The following STX18 variants were observed in gnomAD, a reference collection of about 807,000 sequenced individuals.
STX18 encodes syntaxin 18.
A neutral mutation model predicts 50.1 loss-of-function variants in STX18; 40 were observed. The observed-to-expected ratio is 0.80, with a 90% confidence interval of 0.62 to 1.04. The LOEUF (loss-of-function observed/expected upper bound fraction) is 1.04, where lower values mean the gene tolerates loss of function less well. Among genes scored for constraint, STX18 ranks in the 50% least tolerant of loss-of-function variants. STX18 has a pLI of 0.00. For missense variants in STX18, 410 were observed against 415.8 expected, an observed-to-expected ratio of 0.99 and a Z score of 0.12; for synonymous variants, 158 against 151.8, an observed-to-expected ratio of 1.04 and a Z score of -0.30.
rs754749923 is a variant in STX18 at position 4,541,782 on chromosome 4, T to A, written c.168+15A>T. 1 of 1,599,962 alleles carries A rather than the reference T, an allele frequency of 6.3e-7. No individual in the cohort carries two copies. The highest frequency in any genetic ancestry group is 1.3e-5 in the African/African-American group (1 of 74,384). Reference sequence around the variant, plus strand: ...CCCCCTCCTCAACCCGCCGTTTCCATAGCAACCAGCTCACCACTTCGCGGG... The same window carrying A: ...CCCCCTCCTCAACCCGCCGTTTCCAAAGCAACCAGCTCACCACTTCGCGGG... On this transcript the variant is annotated intron_variant, in intron 1 of 10. Coordinates refer to ENST00000306200, the MANE Select transcript of STX18 (RefSeq NM_016930.4).
intron 1 of STX18, among the ~76,000 whole-genome samples, chr4:4,490,652 G>T (rs1728901661): frequency 6.6e-6 from 1 of 152,018 alleles, no homozygotes; most frequent in Admixed American, 6.6e-5. Context: ...AATTGGAAAA[G>T]GGCACAGAGG....
chr4:4,495,711 G>A (rs565733453), intron 1 of STX18, among the ~76,000 whole-genome samples: 41 of 148,494 alleles, frequency 2.8e-4, no homozygotes, highest in African/African-American at 1.0e-3. Context: ...AGATAATCTT[G>A]TATTAGTCCA....
At chr4:4,517,877 C>T (rs1025740455) in intron 1 of STX18, among the ~76,000 whole-genome samples, 4 of 151,550 alleles carry the variant, frequency 2.6e-5, no homozygotes, top group Non-Finnish European at 4.4e-5. Flanking sequence ...TGGGTTCAAG[C>T]GATTCTCCTG....
At chr4:4,534,291 C>T (rs1051994992) in intron 1 of STX18, among the ~76,000 whole-genome samples, 1 of 152,178 alleles carries the variant, frequency 6.6e-6, no homozygotes, top group Non-Finnish European at 1.5e-5. Flanking sequence ...TGGATCTATT[C>T]TCTACTATTT....
chr4:4,486,872 C>G (rs1398142264), intron 1 of STX18, among the ~76,000 whole-genome samples: 1 of 152,064 alleles, frequency 6.6e-6, no homozygotes, highest in African/African-American at 2.4e-5. Flanking sequence ...TAAGAGGGGA[C>G]TATATTTTAA....
chr4:4,479,889 G>A (rs979820071), intron 1 of STX18, among the ~76,000 whole-genome samples: 2 of 152,082 alleles, frequency 1.3e-5, no homozygotes, highest in African/African-American at 4.8e-5. Flanking sequence ...AGGCAAACAG[G>A]TCTCCTGTGA....
intron 1 of STX18, among the ~76,000 whole-genome samples, chr4:4,499,201 CA>C (rs981839343): frequency 6.6e-6 from 1 of 152,144 alleles, no homozygotes; most frequent in Non-Finnish European, 1.5e-5. Context: ...AAATTTGAAA[CA>C]CAACTCTAAA....
At chr4:4,439,360 AC>A (rs1430144901) in intron 5 of STX18, among the ~76,000 whole-genome samples, 2 of 127,874 alleles carry the variant, frequency 1.6e-5, no homozygotes, top group South Asian at 3.1e-4. Context: ...ACATATATAT[AC>A]CCCCCACTCA....
At chr4:4,509,679 T>C (rs929750152) in intron 1 of STX18, among the ~76,000 whole-genome samples, 3 of 152,166 alleles carry the variant, frequency 2.0e-5, no homozygotes, top group Admixed American at 6.5e-5. Context: ...GGTGAAAGTG[T>C]TACGGGACAA....
At chr4:4,462,524 T>G (rs555593099) in intron 2 of STX18, among the ~76,000 whole-genome samples, 224 of 152,274 alleles carry the variant, frequency 1.5e-3, no homozygotes, top group African/African-American at 5.2e-3. Context: ...GTGCATGAGT[T>G]GGCAATGAAC....
chr4:4,542,034 G>C lies in STX18; in HGVS notation c.-70C>G. Reference sequence around the variant, plus strand: ...CAGCCGGCGACCGCGGCGCGAACCCGGCCGCTGAAGGACTGGTCCTGCCCC... The same window carrying C: ...CAGCCGGCGACCGCGGCGCGAACCCCGCCGCTGAAGGACTGGTCCTGCCCC... On this transcript the variant is annotated 5_prime_UTR_variant, in exon 1 of 11. Transcript: ENST00000306200. 6.8e-7 allele frequency: 1 copy of C among 1,463,978 alleles called. No individual in the cohort carries two copies. The highest frequency in any genetic ancestry group is 9.1e-7 in the Non-Finnish European group (1 of 1,102,748). 90.7% of individuals were successfully genotyped at this position (1,463,978 alleles called of 1,614,324 possible).
chr4:4,479,077 A>T (rs1728335709), intron 1 of STX18: 1 of 152,274 alleles, frequency 6.6e-6, no homozygotes, highest in African/African-American at 2.4e-5. Flanking sequence ...TCACTACAAA[A>T]GGGAATTGGG....
chr4:4,493,599 T>C (rs771849881), intron 1 of STX18, among the ~76,000 whole-genome samples: 7 of 152,242 alleles, frequency 4.6e-5, no homozygotes, highest in Non-Finnish European at 7.3e-5. Flanking sequence ...TCCACAGCAA[T>C]TGGTCCTCCA....
rs574044851 is a variant in STX18, at chr4:4,457,133, C to G, written c.497+58G>C. The G allele has an allele frequency of 4.1e-5, 61 of 1,479,342 alleles. No individual in the cohort carries two copies. The African/African-American group carries it at 7.0e-4, about 17-fold the overall frequency. The allele number at this position is 1,479,342 out of a possible 1,614,324, so 91.6% of individuals were successfully genotyped here. ...AGGGTAAGTGCTCTACAAACTTTAA[C>G]TGCTATTATTAGTAGTACTATTATT... On this transcript the variant is annotated intron_variant, in intron 5 of 10. Transcript: ENST00000306200.
At chr4:4,500,487 T>C (rs1012323064) in intron 1 of STX18, among the ~76,000 whole-genome samples, 6 of 152,174 alleles carry the variant, frequency 3.9e-5, no homozygotes, top group Admixed American at 6.5e-5. Flanking sequence ...CAGGAGGATG[T>C]CTGTAGGTTA....
At chr4:4,535,099 T>A (rs970917267) in intron 1 of STX18, among the ~76,000 whole-genome samples, 6 of 152,214 alleles carry the variant, frequency 3.9e-5, no homozygotes, top group African/African-American at 1.4e-4. Context: ...CTACGTCTGG[T>A]GGAATGGTTT....
intron 1 of STX18, among the ~76,000 whole-genome samples, chr4:4,529,907 A>G (rs1278972530): frequency 6.6e-6 from 1 of 152,144 alleles, no homozygotes; most frequent in East Asian, 1.9e-4. Flanking sequence ...TTTGTGGATG[A>G]TTTTCTCATA....
intron 1 of STX18, among the ~76,000 whole-genome samples, chr4:4,497,119 C>CTG (rs1268476605): frequency 4.2e-4 from 64 of 152,310 alleles, no homozygotes; most frequent in African/African-American, 1.5e-3. Context: ...ACGGTGGACA[C>CTG]TGTCCAGGCT....
intron 1 of STX18, among the ~76,000 whole-genome samples, chr4:4,504,913 A>G (rs1334772872): frequency 2.6e-5 from 4 of 152,188 alleles, no homozygotes; most frequent in Non-Finnish European, 5.9e-5. Flanking sequence ...AAAAAATAGT[A>G]GCCTTATTGA....
Sources: gnomAD v4.1 joint callset for allele counts (sites outside exome capture counted in the v4.1 genomes callset) on GRCh38, gnomAD v4.1.1 for gene constraint, MANE v1.5 for transcripts, NCBI Gene and HGNC (gene_info 2026-07-23, HGNC 2026-07-21) for gene names.